F13A1: variants seen among roughly 807,000 people sequenced by gnomAD.
The protein encoded by F13A1 is coagulation factor XIII A chain.
In F13A1, 47 loss-of-function variants were observed where a neutral mutation model predicts 80.1. The ratio of observed to expected loss-of-function variants is 0.59; its 90% CI spans 0.46 to 0.75. The LOEUF (loss-of-function observed/expected upper bound fraction) is 0.75, where lower values mean the gene tolerates loss of function less well. F13A1 is among the 30% of genes least tolerant of loss of function. The pLI, the probability that F13A1 is intolerant of heterozygous loss-of-function variation, is 0.00. For synonymous variants in F13A1, 349 were observed against 344.9 expected (o/e 1.01, Z -0.13); for missense variants, 817 against 930.4 (o/e 0.88, Z 1.59).
intron 10 of F13A1, among the ~76,000 whole-genome samples, chr6:6,190,368 G>C (rs1037804568): frequency 1.3e-5 from 2 of 152,032 alleles, no homozygotes; most frequent in Non-Finnish European, 2.9e-5. Context: ...TCTACTTTTG[G>C]TCTTTGATGA....
chr6:6,206,702 T>A, intron 8 of F13A1: 1 of 391,376 alleles, frequency 2.6e-6, no homozygotes, highest in Non-Finnish European at 5.3e-6. Context: ...CATTCCTTCA[T>A]TAGGCTGAAA....
intron 10 of F13A1, among the ~76,000 whole-genome samples, chr6:6,192,461 G>T (rs189789248): frequency 5.2e-4 from 79 of 152,200 alleles, no homozygotes; most frequent in Non-Finnish European, 3.2e-4. Flanking sequence ...TTTTGGGAAG[G>T]TATTTTTGGC....
At chr6:6,159,037 G>C (rs1450172042) in intron 13 of F13A1, among the ~76,000 whole-genome samples, 3 of 151,870 alleles carry the variant, frequency 2.0e-5, no homozygotes, top group Non-Finnish European at 2.9e-5. Context: ...GAGTAGCAGG[G>C]ACTACAGGTG....
chr6:6,224,748 C>T lies in F13A1; in HGVS notation c.911G>A (p.Arg304Gln), dbSNP rs139164988. ...TGSVDILLEY[R>Q]SSENPVRYGQ... ...ATACCGGACTGGATTCTCAGAGCTC[C>T]GGTATTCCAATAGAATGTCAACGCT... is the stretch of plus-strand genomic sequence containing the variant. The change falls in exon 7 of 15, where the codon CGG becomes CAG. Residue 304 changes from arginine to glutamine, a missense_variant. Coordinates refer to ENST00000264870, the MANE Select transcript of F13A1 (RefSeq NM_000129.4). 69 of 1,614,090 alleles carry T rather than the reference C, an allele frequency of 4.3e-5. No homozygotes were observed. Among genetic ancestry groups the T allele is most frequent in the African/African-American group, 3.7e-4 (28 of 75,024 alleles).
At chr6:6,233,625 A>C (rs966960068) in intron 6 of F13A1, among the ~76,000 whole-genome samples, 1 of 152,100 alleles carries the variant, frequency 6.6e-6, no homozygotes, top group Admixed American at 6.5e-5. Flanking sequence ...TAATACAAAA[A>C]CCAGGAAAGG....
intron 4 of F13A1, among the ~76,000 whole-genome samples, chr6:6,257,422 T>C (rs1433445446): frequency 6.6e-6 from 1 of 152,168 alleles, no homozygotes; most frequent in African/African-American, 2.4e-5. Context: ...TCCAGAGACG[T>C]TGCTTGCCTA....
chr6:6,299,446 T>C (rs1758385951), intron 3 of F13A1, among the ~76,000 whole-genome samples: 1 of 130,740 alleles, frequency 7.6e-6, no homozygotes, highest in African/African-American at 3.8e-5. Context: ...CTTTGCTCAT[T>C]TCTTTTTATT....
At chr6:6,148,577 G>T (rs561105367) in intron 14 of F13A1, among the ~76,000 whole-genome samples, 2 of 152,246 alleles carry the variant, frequency 1.3e-5, no homozygotes, top group Middle Eastern at 3.4e-3. Flanking sequence ...TGGATCTGGC[G>T]CTCCTAGATC....
chr6:6,208,211 C>G (rs1031595028), intron 8 of F13A1, among the ~76,000 whole-genome samples: 2 of 152,038 alleles, frequency 1.3e-5, no homozygotes, highest in East Asian at 3.9e-4. Flanking sequence ...GAAAAGGAAC[C>G]AAATAGAAAT....
At chr6:6,154,143 C>A (rs1436111306) in intron 13 of F13A1, among the ~76,000 whole-genome samples, 33 of 124,982 alleles carry the variant, frequency 2.6e-4, no homozygotes, top group South Asian at 1.1e-3. Context: ...TACTGACGTC[C>A]AAAAAAAAAA....
chr6:6,314,790 A>G (rs1040087807), intron 2 of F13A1, among the ~76,000 whole-genome samples: 2 of 152,226 alleles, frequency 1.3e-5, no homozygotes, highest in African/African-American at 4.8e-5. Context: ...ATATGTGAAA[A>G]CCAGTGTATA....
intron 13 of F13A1, among the ~76,000 whole-genome samples, chr6:6,165,908 C>T (rs565424682): frequency 1.8e-4 from 28 of 152,320 alleles, no homozygotes; most frequent in East Asian, 1.5e-3. Context: ...ATGACAGAGG[C>T]GAAGGAAACA....
chr6:6,313,232 G>C (rs1199506510), intron 2 of F13A1, among the ~76,000 whole-genome samples: 1 of 149,392 alleles, frequency 6.7e-6, no homozygotes, highest in Non-Finnish European at 1.5e-5. Flanking sequence ...TGCTTCCCCT[G>C]TCCAAGCCTA....
chr6:6,232,734 T>C (rs1757369421), intron 6 of F13A1, among the ~76,000 whole-genome samples: 1 of 151,756 alleles, frequency 6.6e-6, no homozygotes, highest in African/African-American at 2.4e-5. Flanking sequence ...TGTAAGAAAA[T>C]TGGAATTATA....
intron 4 of F13A1, among the ~76,000 whole-genome samples, chr6:6,254,687 T>A (rs17141937): frequency 0.29 from 44,145 of 152,024 alleles, 6,853 homozygotes; most frequent in East Asian, 0.53. Context: ...AGGAAAGTTT[T>A]CTTTTAGCCA....
intron 13 of F13A1, among the ~76,000 whole-genome samples, chr6:6,161,538 G>GTGTT (rs1338334791): frequency 1.3e-5 from 2 of 151,142 alleles, no homozygotes; most frequent in Admixed American, 6.6e-5. Context: ...GTGTGTGTGT[G>GTGTT]TGTGTGTGTG....
chr6:6,276,285 GCTCT>G lies in F13A1; in HGVS notation c.320-9480_320-9477del, dbSNP rs1220816439. Among the ~76,000 whole-genome samples the G allele has an allele frequency of 2.6e-5, 4 of 152,302 alleles. No individual in the cohort carries two copies. The East Asian group carries it at 7.7e-4, about 29-fold the overall frequency. On this transcript the variant is annotated intron_variant, in intron 3 of 14. Coordinates refer to ENST00000264870, the MANE Select transcript of F13A1 (RefSeq NM_000129.4). Reference sequence around the variant, plus strand: ...GGAGATGTCAGGGTGTGTCTCCTGTGCTCTCTCTGTCTTGAGGTGAGAGTCTGAG... The same window carrying G: ...GGAGATGTCAGGGTGTGTCTCCTGTGCTCTGTCTTGAGGTGAGAGTCTGAG...
chr6:6,233,513 A>T (rs1757377953), intron 6 of F13A1, among the ~76,000 whole-genome samples: 1 of 152,186 alleles, frequency 6.6e-6, no homozygotes, highest in African/African-American at 2.4e-5. Flanking sequence ...GAATTCTACC[A>T]GACATTCAAG....
At chr6:6,318,773 T>C (rs1583131417) in intron 1 of F13A1, 91 bp from the exon 2 acceptor site, 3 of 1,386,028 alleles carry the variant, frequency 2.2e-6, no homozygotes, top group Non-Finnish European at 3.0e-6. Flanking sequence ...GAAACAGATA[T>C]ATCTGTGTGT....
Sources: allele counts gnomAD v4.1 joint callset (sites outside exome capture counted in the v4.1 genomes callset), GRCh38; gene constraint gnomAD v4.1.1; transcripts MANE v1.5; gene names NCBI Gene and HGNC (gene_info 2026-07-23, HGNC 2026-07-21).